The following CALM2 variants were observed in gnomAD, a reference collection of about 807,000 sequenced individuals.
CALM2 encodes calmodulin-2.
In CALM2, 2 loss-of-function variants were observed where a neutral mutation model predicts 19.8. That is an observed-to-expected ratio of 0.10 (90% CI 0.04 to 0.32). The LOEUF is 0.32. Among genes scored for constraint, CALM2 ranks in the 10% least tolerant of loss-of-function variants. The pLI is 1.00. For missense variants in CALM2, 38 were observed against 178.7 expected, an observed-to-expected ratio of 0.21 and a Z score of 4.49; for synonymous variants, 51 against 52.1, an observed-to-expected ratio of 0.98 and a Z score of 0.09.
chr2:47,176,398 T>C (rs1234586989), intron 1 of CALM2, 43 bp downstream of exon 1: 5 of 1,609,706 alleles, frequency 3.1e-6, no homozygotes, highest in Non-Finnish European at 4.2e-6. Context: ...TCCAGTCTCT[T>C]CCCCCCACAG....
chr2:47,175,366 C>G (rs1211902444), intron 1 of CALM2, among the ~76,000 whole-genome samples: 5 of 152,052 alleles, frequency 3.3e-5, no homozygotes, highest in African/African-American at 1.2e-4. Flanking sequence ...GGGACAGGGG[C>G]TCTTCAAAGG....
chr2:47,171,780 T>C (rs1039356054), intron 1 of CALM2: 1 of 152,166 alleles, frequency 6.6e-6, no homozygotes, highest in African/African-American at 2.4e-5. Context: ...GATTAATCCA[T>C]TCATTTATTT....
upstream of CALM2, chr2:47,176,895 G>T (rs1388583404): frequency 2.0e-6 from 2 of 985,240 alleles, no homozygotes; most frequent in African/African-American, 3.5e-5. Context: ...GACGCGGTGC[G>T]GCTTCTGCCG....
intron 1 of CALM2, among the ~76,000 whole-genome samples, chr2:47,176,055 G>GC (rs1666856038): frequency 6.6e-6 from 1 of 152,080 alleles, no homozygotes; most frequent in Admixed American, 6.5e-5. Context: ...GATTGAATTC[G>GC]CCCCCTGCTT....
upstream of CALM2, chr2:47,176,653 GT>G: frequency 6.8e-7 from 1 of 1,466,366 alleles, no homozygotes; most frequent in African/African-American, 1.4e-5. Context: ...TTTCTTCACA[GT>G]TATTTGGTCG....
At chr2:47,165,688 CG>C (rs1666443587) in intron 2 of CALM2, among the ~76,000 whole-genome samples, 1 of 152,112 alleles carries the variant, frequency 6.6e-6, no homozygotes, top group Admixed American at 6.5e-5. Flanking sequence ...CCACTTACAA[CG>C]AAGATATCTT....
chr2:47,162,192 A>AAAAAAAAAAC, intron 4 of CALM2, 94 bp downstream of exon 4: 1 of 490,420 alleles, frequency 2.0e-6, no homozygotes, highest in South Asian at 3.5e-5. Context: ...AAAAAAAAAA[A>AAAAAAAAAAC]AAAAAAAACA....
At chr2:47,164,100 T>A (rs1666366163) in intron 2 of CALM2, 1 of 151,522 alleles carries the variant, frequency 6.6e-6, no homozygotes, top group Non-Finnish European at 1.5e-5. Context: ...TAGCCGGGCG[T>A]GGTGGCGGGC....
chr2:47,172,466 A>G, intron 1 of CALM2: 1 of 1,107,540 alleles, frequency 9.0e-7, no homozygotes, highest in Non-Finnish European at 1.2e-6. Context: ...TAACCTAAAG[A>G]GTTAAATGAT....
At chr2:47,175,081 G>GTTTGTTT (rs1666804052) in intron 1 of CALM2, among the ~76,000 whole-genome samples, 1 of 77,964 alleles carries the variant, frequency 1.3e-5, no homozygotes, top group South Asian at 5.0e-4. Flanking sequence ...CTCATTAGGT[G>GTTTGTTT]TTTTTTTTTT....
At chr2:47,175,081 GTTT>G (rs563702873) in intron 1 of CALM2, among the ~76,000 whole-genome samples, 2 of 77,964 alleles carry the variant, frequency 2.6e-5, no homozygotes, top group African/African-American at 9.2e-5. Flanking sequence ...CTCATTAGGT[GTTT>G]TTTTTTTTTT....
At chr2:47,176,601 G>C (rs1382683654), upstream of CALM2, 3 of 1,534,262 alleles carry the variant, frequency 2.0e-6, no homozygotes, top group Non-Finnish European at 2.6e-6. Context: ...TCGCAAACGA[G>C]TCCCGGCCAA....
chr2:47,176,584 C>T (rs780718804), upstream of CALM2: 25 of 1,545,580 alleles, frequency 1.6e-5, no homozygotes, highest in African/African-American at 1.6e-4. Flanking sequence ...ATCCAGATAA[C>T]GGAACATCGC....
intron 2 of CALM2, among the ~76,000 whole-genome samples, chr2:47,169,982 C>T (rs917640451): frequency 5.3e-5 from 8 of 151,556 alleles, no homozygotes; most frequent in Admixed American, 1.3e-4. Context: ...AAAACAACTC[C>T]GGCAAGGGGG....
intron 2 of CALM2, among the ~76,000 whole-genome samples, chr2:47,164,643 C>T (rs1573218891): frequency 6.6e-6 from 1 of 151,750 alleles, no homozygotes; most frequent in Non-Finnish European, 1.5e-5. Context: ...AACTTTGATA[C>T]TGCAAAGTTA....
chr2:47,165,644 C>CT (rs1666440989), intron 2 of CALM2, among the ~76,000 whole-genome samples: 1 of 152,110 alleles, frequency 6.6e-6, no homozygotes, highest in Non-Finnish European at 1.5e-5. Context: ...CAATTTTATC[C>CT]TTTTTTTCCA....
upstream of CALM2, chr2:47,176,603 C>A: frequency 6.5e-7 from 1 of 1,530,892 alleles, no homozygotes; most frequent in South Asian, 1.2e-5. Context: ...GCAAACGAGT[C>A]CCGGCCAACC....
chr2:47,176,881 C>T (rs1558704078), upstream of CALM2: 2 of 985,298 alleles, frequency 2.0e-6, no homozygotes, highest in Admixed American at 6.1e-5. Flanking sequence ...GCAGCCGCCG[C>T]CGGGACGCGG....
rs1231479759 is a variant in CALM2 at position 47,160,100 on chromosome 2, G to C, written c.*676C>G. On this transcript the variant is annotated 3_prime_UTR_variant, in exon 6 of 6. Transcript: ENST00000272298. ...TAGACTATACCAAGCAGAAACCAAT[G>C]CCATATTTTATTTTCAAAATTATTA... is the stretch of plus-strand genomic sequence containing the variant. 6.6e-6 allele frequency: 1 copy of C among 152,122 alleles called. No homozygotes were observed. Among genetic ancestry groups the C allele is most frequent in the Non-Finnish European group, 1.5e-5 (1 of 67,968 alleles). 9.4% of individuals were successfully genotyped at this position (152,122 alleles called of 1,614,324 possible). A position where few individuals can be genotyped will look rare whatever the true frequency, so the allele number is the denominator to read the frequency against.
Sources: gnomAD v4.1 joint callset for allele counts (sites outside exome capture counted in the v4.1 genomes callset) on GRCh38, gnomAD v4.1.1 for gene constraint, MANE v1.5 for transcripts, NCBI Gene and HGNC (gene_info 2026-07-23, HGNC 2026-07-21) for gene names.